Variants in OSBPL10 observed in about 807,000 individuals in gnomAD.
OSBPL10 encodes the protein oxysterol binding protein like 10.
Under a neutral mutation model 81.7 loss-of-function variants are expected in OSBPL10, and 49 were observed. The observed-to-expected ratio is 0.60, with a 90% CI of 0.48 to 0.76. OSBPL10 has a LOEUF of 0.76. Ranked by LOEUF, OSBPL10 falls within the 30% of genes least tolerant of loss-of-function variation. OSBPL10 has a pLI of 0.00. For synonymous variants in OSBPL10, 419 were observed against 383.6 expected (o/e 1.09, Z -1.08); for missense variants, 923 against 987.8 (o/e 0.93, Z 0.88).
chr3:32,035,700 C>A (rs1274630672), intron 2 of OSBPL10, among the ~76,000 whole-genome samples: 1 of 152,042 alleles, frequency 6.6e-6, no homozygotes, highest in Non-Finnish European at 1.5e-5. Context: ...TATCCTCCAA[C>A]TTTCTGGTAG....
chr3:31,834,963 A>G (rs958620210), intron 3 of OSBPL10, among the ~76,000 whole-genome samples: 2 of 152,198 alleles, frequency 1.3e-5, no homozygotes, highest in African/African-American at 4.8e-5. Context: ...TTGGAGAATG[A>G]TATGAGAAAA....
intron 4 of OSBPL10, among the ~76,000 whole-genome samples, chr3:31,763,761 T>TC (rs1475585040): frequency 1.3e-5 from 2 of 152,084 alleles, no homozygotes; most frequent in African/African-American, 4.8e-5. Flanking sequence ...GAAATGCATC[T>TC]CCAAATGGCA....
At chr3:32,051,480 C>T (rs10433584) in intron 1 of OSBPL10, among the ~76,000 whole-genome samples, 5,721 of 152,254 alleles carry the variant, frequency 0.038, 296 homozygotes, top group African/African-American at 0.11. Context: ...ATTAGAGAAG[C>T]ATGCTCTTGG....
chr3:31,943,967 C>CAAAAAAAAAAAAAAAAAAAAA lies in OSBPL10; in HGVS notation c.281+36911_281+36931dup, dbSNP rs55770286. The stretch of plus-strand genomic sequence containing the variant: ...TGGGCAACAGAGGAAGACTCCGTCT[C>CAAAAAAAAAAAAAAAAAAAAA]AAAAAAAAAAAAAAAAAAAAAAAAA... On this transcript the variant is annotated intron_variant, in intron 1 of 11. Transcript: ENST00000396556. Among the ~76,000 whole-genome samples, 12 of 37,784 alleles carry CAAAAAAAAAAAAAAAAAAAAA rather than the reference C, an allele frequency of 3.2e-4. 1 individual carries two copies. The highest frequency in any genetic ancestry group is 9.2e-4 in the African/African-American group (7 of 7,616). The allele number at this position is 37,784 out of a possible 152,430, so 24.8% of individuals were successfully genotyped here.
At chr3:31,874,306 A>T (rs1011725813) in intron 3 of OSBPL10, among the ~76,000 whole-genome samples, 5 of 152,136 alleles carry the variant, frequency 3.3e-5, no homozygotes, top group African/African-American at 1.2e-4. Flanking sequence ...ATATTTTCAT[A>T]ATTTTGGACC....
Position 32,059,218 on chromosome 3 carries a change from C to T in OSBPL10, n.186-12615G>A, listed in dbSNP as rs1699736672. ...GGCTGAGGCAGAAGAATCGCTTGAACCTGGGAGGTGGAGGTTGCAGTGAGC... is the reference window on the plus strand; with the variant it reads ...GGCTGAGGCAGAAGAATCGCTTGAATCTGGGAGGTGGAGGTTGCAGTGAGC... On this transcript the variant is annotated intron_variant and non_coding_transcript_variant, in intron 1 of 3. Transcript: ENST00000479173. Among the ~76,000 whole-genome samples, 10 of 152,214 alleles carry T rather than the reference C, an allele frequency of 6.6e-5. No individual in the cohort carries two copies. The South Asian group carries it at 2.1e-3, about 32-fold the overall frequency.
upstream of OSBPL10, among the ~76,000 whole-genome samples, chr3:31,982,873 A>G (rs986575305): frequency 1.3e-5 from 2 of 152,184 alleles, no homozygotes; most frequent in African/African-American, 4.8e-5. Flanking sequence ...CTCCACATGG[A>G]CCTTAGGCTT....
At chr3:31,675,514 G>C (rs1046805070) in intron 8 of OSBPL10, among the ~76,000 whole-genome samples, 1 of 152,182 alleles carries the variant, frequency 6.6e-6, no homozygotes, top group African/African-American at 2.4e-5. Context: ...CTGTCGTAAA[G>C]ATGGAGAAGG....
chr3:31,743,334 C>T (rs1156557180), intron 5 of OSBPL10, among the ~76,000 whole-genome samples: 2 of 152,078 alleles, frequency 1.3e-5, no homozygotes, highest in Non-Finnish European at 2.9e-5. Context: ...CCACCATACC[C>T]GGCCAAATTA....
rs147003939 is a variant in OSBPL10, at chr3:31,940,695, T to C, written c.281+40204A>G. Among the ~76,000 whole-genome samples, 337 of 152,178 alleles carry C rather than the reference T, an allele frequency of 2.2e-3. 2 individuals carry two copies. The highest frequency in any genetic ancestry group is 7.7e-3 in the African/African-American group (320 of 41,532). The stretch of plus-strand genomic sequence containing the variant: ...AATAGATGATGTTCTCCTTCACCCC[T>C]GGCCTCTCTGCTTGAACAACCCCAC... On this transcript the variant is annotated intron_variant, in intron 1 of 11. Transcript: ENST00000396556.
intron 4 of OSBPL10, among the ~76,000 whole-genome samples, chr3:31,790,338 T>G (rs142410231): frequency 6.6e-6 from 1 of 152,324 alleles, no homozygotes; most frequent in African/African-American, 2.4e-5. Context: ...TCCAGGCCAT[T>G]TGGCAATATG....
rs1347808537 is a variant in OSBPL10, at chr3:31,683,840, G to A, written c.1520C>T (p.Ser507Phe). ...RVKPKRTASR[S>F]PASCHEHPMA... ...TGGGTGTTCGTGACAGCTGGCAGGA[G>A]AGCGGGAAGCAGTCCTCTTAGGCTT... The change falls in exon 8 of 12, where the codon TCT becomes TTT. Residue 507 changes from serine to phenylalanine, a missense_variant. Physicochemically the swap from Ser to Phe is radical, Grantham distance 155. This residue lies in a region of OSBPL10 where 387 missense variants were observed against 436.3 expected (regional missense o/e 0.89). Coordinates refer to ENST00000396556, the MANE Select transcript of OSBPL10 (RefSeq NM_017784.5). The A allele has an allele frequency of 8.7e-6, 14 of 1,614,254 alleles. No homozygotes were observed. The highest frequency in any genetic ancestry group is 1.0e-5 in the Non-Finnish European group (12 of 1,180,050).
chr3:31,822,989 T>G (rs1700018499), intron 4 of OSBPL10, among the ~76,000 whole-genome samples: 1 of 150,846 alleles, frequency 6.6e-6, no homozygotes, highest in Non-Finnish European at 1.5e-5. Context: ...ATCATATGCT[T>G]AAATAACTGA....
intron 6 of OSBPL10, among the ~76,000 whole-genome samples, chr3:31,705,319 G>A (rs1696024437): frequency 1.3e-5 from 2 of 151,984 alleles, no homozygotes; most frequent in South Asian, 2.1e-4. Context: ...ACATCTTAGA[G>A]GACACTTTCA....
intron 6 of OSBPL10, among the ~76,000 whole-genome samples, chr3:31,715,075 C>T (rs562060738): frequency 2.0e-5 from 3 of 151,350 alleles, no homozygotes; most frequent in Non-Finnish European, 4.4e-5. Context: ...CTGACCCATA[C>T]TTCCCCTCCC....
intron 1 of OSBPL10, among the ~76,000 whole-genome samples, chr3:32,066,161 AAAGG>A (rs58902796): frequency 0.057 from 3,048 of 53,422 alleles, 555 homozygotes; most frequent in African/African-American, 0.083. Context: ...AGAAAGGAAG[AAAGG>A]AAGGAAGGAA....
chr3:31,708,728 C>T (rs1696155232), intron 6 of OSBPL10: 6 of 985,382 alleles, frequency 6.1e-6, no homozygotes, highest in Non-Finnish European at 7.2e-6. Flanking sequence ...CCTTCCCACA[C>T]ACTGCACAGG....
chr3:31,662,236 A>G (rs1385273336), intron 11 of OSBPL10, 120 bp from the exon 12 acceptor site: 1 of 1,540,030 alleles, frequency 6.5e-7, no homozygotes, highest in South Asian at 1.3e-5. Context: ...CACGCAGGCC[A>G]GGCTGCTGGC....
chr3:31,760,709 C>T (rs1698007504), intron 4 of OSBPL10, among the ~76,000 whole-genome samples: 2 of 152,192 alleles, frequency 1.3e-5, no homozygotes, highest in South Asian at 4.1e-4. Flanking sequence ...AAAATGGCTA[C>T]AGGCCATAAT....
Sources: gnomAD v4.1 joint callset for allele counts (sites outside exome capture counted in the v4.1 genomes callset) on GRCh38, gnomAD v4.1.1 for gene constraint, gnomAD v4.1.1 regional missense constraint, MANE v1.5 for transcripts, NCBI Gene and HGNC (gene_info 2026-07-23, HGNC 2026-07-21) for gene names.